Variants in ALX1 observed in about 807,000 individuals in gnomAD.
The protein encoded by ALX1 is ALX homeobox protein 1.
Under a neutral mutation model 31.7 loss-of-function variants are expected in ALX1, and 19 were observed. The ratio of observed to expected loss-of-function variants is 0.60; its 90% CI spans 0.42 to 0.88. The LOEUF (loss-of-function observed/expected upper bound fraction) is 0.88. ALX1 is among the 40% of genes least tolerant of loss of function. The probability of loss-of-function intolerance (pLI) is 0.00; values close to 1 mark genes in which losing one functional copy is unlikely to be tolerated. For synonymous variants in ALX1, 153 were observed against 148.8 expected (o/e 1.03, Z -0.20); for missense variants, 415 against 407.8 (o/e 1.02, Z -0.15).
At chr12:85,289,304 T>C (rs1312912828) in intron 3 of ALX1, among the ~76,000 whole-genome samples, 1 of 151,188 alleles carries the variant, frequency 6.6e-6, no homozygotes, top group Non-Finnish European at 1.5e-5. Flanking sequence ...TCAATATGAC[T>C]CAGTGTACTC....
intron 3 of ALX1, among the ~76,000 whole-genome samples, chr12:85,290,548 A>G (rs1283170908): frequency 6.6e-6 from 1 of 151,186 alleles, no homozygotes; most frequent in Non-Finnish European, 1.5e-5. Context: ...TATCTTTGAT[A>G]GCAAACAAAT....
chr12:85,294,169 C>A (rs1011175403), intron 3 of ALX1, among the ~76,000 whole-genome samples: 1 of 151,048 alleles, frequency 6.6e-6, no homozygotes, highest in Admixed American at 6.6e-5. Flanking sequence ...GTATTTTATT[C>A]ATATTCTAAG....
rs1896710311 is a variant in ALX1 at position 85,283,688 on chromosome 12, G to C, written c.343G>C (p.Glu115Gln). ...SPVKGMQEKG[E>Q]LDELGDKCDS... is the part of the protein sequence containing the mutation. ...CGTGAAAGGGATGCAAGAGAAGGGA[G>C]AGCTGGATGAACTTGGGGATAAATG... is the stretch of plus-strand genomic sequence containing the variant. The change falls in exon 2 of 4, where the codon GAG becomes CAG. Residue 115 changes from glutamate to glutamine, a missense_variant. Glu to Gln is a conservative substitution (Grantham distance 29). This residue lies in a region of ALX1 where 235 missense variants were observed against 208.9 expected (regional missense o/e 1.13). Coordinates refer to ENST00000316824, the MANE Select transcript of ALX1 (RefSeq NM_006982.3). 6.2e-7 allele frequency: 1 copy of C among 1,614,034 alleles called. No individual in the cohort carries two copies.
intron 3 of ALX1, 22 bp from the exon 4 acceptor site, chr12:85,301,133 T>C (rs1896958664): frequency 6.2e-7 from 1 of 1,612,586 alleles, no homozygotes; most frequent in Non-Finnish European, 8.5e-7. Flanking sequence ...AAATGTAATA[T>C]TTGTTGTTTT....
At chr12:85,284,280 A>G (rs1240614830) in intron 2 of ALX1, among the ~76,000 whole-genome samples, 1 of 147,862 alleles carries the variant, frequency 6.8e-6, no homozygotes. Flanking sequence ...TATATCAGGT[A>G]TTTGTAAATT....
chr12:85,280,349 C>CACGTT lies in ALX1; in HGVS notation c.90_94dup (p.Met32ThrfsTer47). On this transcript the variant is annotated frameshift_variant, in exon 1 of 4. Coordinates refer to ENST00000316824, the MANE Select transcript of ALX1 (RefSeq NM_006982.3). LOFTEE classifies it high-confidence loss of function. The stretch of plus-strand genomic sequence containing the variant: ...CATGGGCGCAGGAGGTCCTCTGGAG[C>CACGTT]ACGTTATGGAGACGCTGGACAATGA... 6.2e-7 allele frequency: 1 copy of CACGTT among 1,613,920 alleles called. No individual in the cohort carries two copies. Among genetic ancestry groups the CACGTT allele is most frequent in the Non-Finnish European group, 8.5e-7 (1 of 1,180,026 alleles).
intron 3 of ALX1, among the ~76,000 whole-genome samples, chr12:85,291,720 T>C (rs1896821133): frequency 6.6e-6 from 1 of 151,090 alleles, no homozygotes; most frequent in Non-Finnish European, 1.5e-5. Flanking sequence ...GTGTTTGTGG[T>C]GTTGATAGTG....
At chr12:85,298,330 A>G (rs563677837) in intron 3 of ALX1, among the ~76,000 whole-genome samples, 1 of 151,886 alleles carries the variant, frequency 6.6e-6, no homozygotes, top group South Asian at 2.1e-4. Flanking sequence ...AAAAGTGTTC[A>G]TAATATATTT....
chr12:85,281,888 A>G (rs2137374747), intron 1 of ALX1, among the ~76,000 whole-genome samples: 1 of 152,278 alleles, frequency 6.6e-6, no homozygotes, highest in African/African-American at 2.4e-5. Context: ...TTGACTCTGG[A>G]TGGACTTGAT....
chr12:85,292,518 C>T (rs976304272), intron 3 of ALX1, among the ~76,000 whole-genome samples: 4 of 150,926 alleles, frequency 2.7e-5, no homozygotes, highest in Non-Finnish European at 5.9e-5. Flanking sequence ...TAAATATATG[C>T]CACTTAGAAT....
intron 3 of ALX1, among the ~76,000 whole-genome samples, chr12:85,287,504 G>T: frequency 6.8e-6 from 1 of 147,676 alleles, no homozygotes; most frequent in South Asian, 2.1e-4. Flanking sequence ...GTCCACATTT[G>T]GTCCTGTTTG....
intron 2 of ALX1, among the ~76,000 whole-genome samples, chr12:85,284,773 T>A (rs569218952): frequency 6.6e-6 from 1 of 152,266 alleles, no homozygotes; most frequent in South Asian, 2.1e-4. Context: ...TAATTCAGGA[T>A]AATGGCCTTG....
intron 3 of ALX1, among the ~76,000 whole-genome samples, chr12:85,292,131 C>G (rs1896825988): frequency 6.6e-6 from 1 of 150,908 alleles, no homozygotes; most frequent in Non-Finnish European, 1.5e-5. Flanking sequence ...TCTAAAGTAC[C>G]TGCCTCTCCA....
chr12:85,295,968 A>G (rs1227552309), intron 3 of ALX1, among the ~76,000 whole-genome samples: 1 of 151,650 alleles, frequency 6.6e-6, no homozygotes, highest in Non-Finnish European at 1.5e-5. Context: ...AATAGCACTA[A>G]TATTAGGATA....
Position 85,301,716 on chromosome 12 carries a change from C to G in ALX1, c.*241C>G. The G allele has an allele frequency of 1.8e-6, 1 of 552,164 alleles. No individual in the cohort carries two copies. The highest frequency in any genetic ancestry group is 3.3e-5 in the Admixed American group (1 of 30,222). The allele number at this position is 552,164 out of a possible 1,614,324, so 34.2% of individuals were successfully genotyped here. On this transcript the variant is annotated 3_prime_UTR_variant, in exon 4 of 4. Transcript: ENST00000316824. ...AACCCTGTTTTAGTAGTAAGGTTTT[C>G]TTTTTCTATTGTACAAGTCAATGAA...
chr12:85,289,236 A>C (rs1456409532), intron 3 of ALX1, among the ~76,000 whole-genome samples: 2 of 151,268 alleles, frequency 1.3e-5, no homozygotes, highest in Non-Finnish European at 3.0e-5. Context: ...TAAAGCATTC[A>C]GAATAGTGCA....
At chr12:85,280,645 G>T (rs1482954034) in intron 1 of ALX1, among the ~76,000 whole-genome samples, 158 bp downstream of exon 1, 1 of 152,182 alleles carries the variant, frequency 6.6e-6, no homozygotes, top group Admixed American at 6.5e-5. Flanking sequence ...TTATGAAGCG[G>T]TGTTACTGCT....
intron 3 of ALX1, among the ~76,000 whole-genome samples, chr12:85,288,476 A>AGT (rs1896777510): frequency 6.6e-6 from 1 of 151,428 alleles, no homozygotes. Context: ...GCCTTAGTTG[A>AGT]GTCAGTGTGA....
At chr12:85,296,181 T>G (rs1425063080) in intron 3 of ALX1, among the ~76,000 whole-genome samples, 2 of 151,534 alleles carry the variant, frequency 1.3e-5, no homozygotes, top group Non-Finnish European at 3.0e-5. Context: ...GTAGTTGTGA[T>G]TACAAAGAAT....
Sources: gnomAD v4.1 joint callset for allele counts (sites outside exome capture counted in the v4.1 genomes callset) on GRCh38, gnomAD v4.1.1 for gene constraint, gnomAD v4.1.1 regional missense constraint, MANE v1.5 for transcripts, NCBI Gene and HGNC (gene_info 2026-07-23, HGNC 2026-07-21) for gene names.